The following LZTS1 variants were observed in gnomAD, a reference collection of about 807,000 sequenced individuals.
LZTS1 encodes leucine zipper putative tumor suppressor 1.
A neutral mutation model predicts 45.8 loss-of-function variants in LZTS1; 31 were observed. That is an observed-to-expected ratio of 0.68 (90% confidence interval 0.51 to 0.91). The LOEUF (loss-of-function observed/expected upper bound fraction) is 0.91. Ranked by LOEUF, LZTS1 falls within the 40% of genes least tolerant of loss-of-function variation. LZTS1 has a pLI of 0.00. For missense variants in LZTS1, 821 were observed against 788.9 expected (o/e 1.04, Z -0.49); for synonymous variants, 359 against 357.3 (o/e 1.00, Z -0.05).
At chr8:20,256,860 G>A (rs1463955238) in intron 1 of LZTS1, among the ~76,000 whole-genome samples, 1 of 152,144 alleles carries the variant, frequency 6.6e-6, no homozygotes, top group East Asian at 1.9e-4. Context: ...TGTGGAAGTG[G>A]CTATGAGACT....
At position 20,250,146 on chromosome 8, in the gene LZTS1, C is replaced by T. The variant is rs547948010; in HGVS notation, c.1367G>A (p.Arg456His). The T allele has an allele frequency of 1.4e-5, 23 of 1,608,488 alleles. No homozygotes were observed. In the East Asian group the frequency reaches 1.8e-4, roughly 12 times the overall value. ...CAGCAGCTCCGCCTCGTTCTTCTTG[C>T]GCTGCAGCTCATTCTCACAGACCTC... ...ELEVCENELQ[R>H]KKNEAELLRE... Residue 456 changes from arginine (R) to histidine (H), a missense_variant, in exon 4 of 4, where the codon CGC becomes CAC. Transcript: ENST00000381569.
intron 1 of LZTS1, among the ~76,000 whole-genome samples, chr8:20,288,921 G>A (rs1030771230): frequency 2.0e-5 from 3 of 151,036 alleles, no homozygotes; most frequent in African/African-American, 7.3e-5. Flanking sequence ...TAGGGTTTTG[G>A]TAAGTATTGA....
At chr8:20,282,409 A>G (rs536164746) in intron 1 of LZTS1, among the ~76,000 whole-genome samples, 1 of 152,236 alleles carries the variant, frequency 6.6e-6, no homozygotes, top group Non-Finnish European at 1.5e-5. Context: ...TCTCACAGAT[A>G]TGACAGATAT....
chr8:20,254,207 G>A (rs1800027497), intron 2 of LZTS1, among the ~76,000 whole-genome samples: 1 of 152,204 alleles, frequency 6.6e-6, no homozygotes, highest in East Asian at 1.9e-4. Context: ...GGACTGAATA[G>A]GAAAATTGAT....
chr8:20,280,868 G>T (rs142431668), intron 1 of LZTS1, among the ~76,000 whole-genome samples: 21 of 152,164 alleles, frequency 1.4e-4, no homozygotes, highest in African/African-American at 5.1e-4. Context: ...CTAAAAAACC[G>T]CTCACAAGTA....
chr8:20,274,432 G>A (rs1800533889), intron 1 of LZTS1, among the ~76,000 whole-genome samples: 1 of 152,158 alleles, frequency 6.6e-6, no homozygotes, highest in Non-Finnish European at 1.5e-5. Flanking sequence ...TAGGTAGCTT[G>A]GAGCATAGCG....
chr8:20,275,932 T>C (rs1800571307), intron 1 of LZTS1: 2 of 152,270 alleles, frequency 1.3e-5, no homozygotes, highest in Non-Finnish European at 2.9e-5. Context: ...GTTGAGTGCA[T>C]TTCAACATGG....
chr8:20,274,969 G>GTGTGTGTGTGTGTGTGTA (rs1554553686), intron 1 of LZTS1, among the ~76,000 whole-genome samples: 6 of 151,448 alleles, frequency 4.0e-5, no homozygotes, highest in South Asian at 2.1e-4. Flanking sequence ...TACTGTGTGT[G>GTGTGTGTGTGTGTGTGTA]TGTGTGTGTG....
In LZTS1 at chr8:20,248,437, C is replaced by G. The variant is rs1412106267; in HGVS notation, c.*1285G>C. On this transcript the variant is annotated 3_prime_UTR_variant, in exon 4 of 4. Transcript: ENST00000381569. Reference sequence around the variant, plus strand: ...GAGAAACCCTGGACTCCCTGGGGCACTGCCCAAGCTCCTGAGAAAGGGAGC... The same window carrying G: ...GAGAAACCCTGGACTCCCTGGGGCAGTGCCCAAGCTCCTGAGAAAGGGAGC... The G allele has an allele frequency of 6.6e-6, 1 of 152,312 alleles. No homozygotes were observed. The allele number at this position is 152,312 out of a possible 1,614,324, so 9.4% of individuals were successfully genotyped here.
intron 1 of LZTS1, among the ~76,000 whole-genome samples, chr8:20,283,523 G>A (rs1449340298): frequency 4.6e-5 from 7 of 152,182 alleles, no homozygotes; most frequent in South Asian, 4.2e-4. Context: ...ATAGCCGCCC[G>A]AACAGACTGG....
intron 1 of LZTS1, among the ~76,000 whole-genome samples, chr8:20,268,639 G>A (rs1055680912): frequency 3.9e-5 from 6 of 152,042 alleles, no homozygotes; most frequent in South Asian, 2.1e-4. Flanking sequence ...GCCTACATGA[G>A]CAAAGCTCGA....
intron 1 of LZTS1, among the ~76,000 whole-genome samples, chr8:20,295,152 T>C (rs1800960271): frequency 6.6e-6 from 1 of 152,150 alleles, no homozygotes; most frequent in Non-Finnish European, 1.5e-5. Context: ...CTGTCACTGC[T>C]GCCCGATGTG....
chr8:20,271,399 CT>C (rs1024833239), intron 1 of LZTS1, among the ~76,000 whole-genome samples: 145 of 152,288 alleles, frequency 9.5e-4, no homozygotes, highest in African/African-American at 3.4e-3. Context: ...CCCAGGGCTC[CT>C]GCAGTGTTGA....
At chr8:20,294,527 C>T (rs1800950149) in intron 1 of LZTS1, among the ~76,000 whole-genome samples, 1 of 152,136 alleles carries the variant, frequency 6.6e-6, no homozygotes, top group East Asian at 1.9e-4. Flanking sequence ...CTCTCATTTT[C>T]CCCACCTGCC....
chr8:20,298,344 G>A (rs933555813), intron 1 of LZTS1, among the ~76,000 whole-genome samples: 5 of 152,184 alleles, frequency 3.3e-5, no homozygotes, highest in African/African-American at 9.7e-5. Context: ...ATACAGGCAT[G>A]AGCCACCGTG....
intron 1 of LZTS1, among the ~76,000 whole-genome samples, chr8:20,265,470 A>G (rs373719823): frequency 2.0e-4 from 30 of 152,070 alleles, no homozygotes; most frequent in African/African-American, 7.2e-4. Context: ...GTTCGAGACC[A>G]GCCTGGGAAA....
chr8:20,303,696 C>G, intron 1 of LZTS1, 44 bp downstream of exon 1: 1 of 985,488 alleles, frequency 1.0e-6, no homozygotes, highest in Non-Finnish European at 1.2e-6. Flanking sequence ...GCCAGGGCAG[C>G]AGACCCTCCA....
chr8:20,299,787 C>G (rs932068577), intron 1 of LZTS1, among the ~76,000 whole-genome samples: 1 of 152,204 alleles, frequency 6.6e-6, no homozygotes, highest in Non-Finnish European at 1.5e-5. Context: ...TTCACACTCT[C>G]AACTGCAAGC....
chr8:20,266,609 A>T (rs1800361870), intron 1 of LZTS1, among the ~76,000 whole-genome samples: 2 of 152,096 alleles, frequency 1.3e-5, no homozygotes, highest in African/African-American at 4.8e-5. Context: ...GACAAAAAAA[A>T]AATACAAGGC....
Sources: allele counts gnomAD v4.1 joint callset (sites outside exome capture counted in the v4.1 genomes callset), GRCh38; gene constraint gnomAD v4.1.1; transcripts MANE v1.5; gene names NCBI Gene and HGNC (gene_info 2026-07-23, HGNC 2026-07-21).